The following NT5DC3 variants were observed in gnomAD, a reference collection of about 807,000 sequenced individuals.
NT5DC3 encodes the protein 5'-nucleotidase domain-containing protein 3.
A neutral mutation model predicts 67.8 loss-of-function variants in NT5DC3; 42 were observed. The ratio of observed to expected loss-of-function variants is 0.62; its 90% CI spans 0.48 to 0.80. NT5DC3 has a LOEUF of 0.80. NT5DC3 is among the 30% of genes least tolerant of loss of function. NT5DC3 has a pLI of 0.00. For missense variants in NT5DC3, 570 were observed against 696.4 expected, an observed-to-expected ratio of 0.82 and a Z score of 2.04; for synonymous variants, 237 against 255.6, an observed-to-expected ratio of 0.93 and a Z score of 0.69.
chr12:103,788,725 G>C, intron 10 of NT5DC3, 113 bp downstream of exon 10: 1 of 738,308 alleles, frequency 1.4e-6, no homozygotes, highest in African/African-American at 1.7e-5. Context: ...CAGTTCATGG[G>C]AATCACTCAG....
At chr12:103,782,922 G>C (rs1332297837) in intron 12 of NT5DC3, among the ~76,000 whole-genome samples, 2 of 151,970 alleles carry the variant, frequency 1.3e-5, no homozygotes, top group Admixed American at 6.6e-5. Flanking sequence ...GGAGGTGAAG[G>C]CTGCAGTGAG....
At chr12:103,806,222 C>A in intron 4 of NT5DC3, 100 bp downstream of exon 4, 1 of 754,760 alleles carries the variant, frequency 1.3e-6, no homozygotes, top group South Asian at 1.5e-5. Flanking sequence ...GAATCATATT[C>A]ACACTGCAGC....
intron 2 of NT5DC3, among the ~76,000 whole-genome samples, chr12:103,809,500 G>A (rs1352953368): frequency 6.6e-6 from 1 of 152,112 alleles, no homozygotes; most frequent in Non-Finnish European, 1.5e-5. Context: ...CCTGAAACTG[G>A]GTAATTTATA....
chr12:103,792,004 A>G (rs1332728982), intron 9 of NT5DC3, among the ~76,000 whole-genome samples: 1 of 152,070 alleles, frequency 6.6e-6, no homozygotes, highest in Non-Finnish European at 1.5e-5. Context: ...ACAGCAGCCC[A>G]CTCTGTAAGT....
In NT5DC3 at chr12:103,777,139, TCTC is replaced by T. The variant is rs1885368135; in HGVS notation, c.*687_*689del. On this transcript the variant is annotated 3_prime_UTR_variant, in exon 14 of 14. Transcript: ENST00000392876. ...TGGCAGGTTTTGACCAGAGCTCTCA[TCTC>T]CTCTCTCCTGCCCTCCTCCATGCTG... 1 of 139,850 alleles carries T rather than the reference TCTC, an allele frequency of 7.2e-6. No homozygotes were observed. The highest frequency in any genetic ancestry group is 7.3e-5 in the Admixed American group (1 of 13,766). The allele number at this position is 139,850 out of a possible 1,614,324, so 8.7% of individuals were successfully genotyped here.
the NT5DC3 span, chr12:103,746,617 C>T: frequency 1.9e-6 from 3 of 1,613,992 alleles, no homozygotes; most frequent in Non-Finnish European, 1.7e-6. Flanking sequence ...AGTGTGTACG[C>T]CTCCTTGTTC....
At chr12:103,823,782 G>A (rs960497728) in intron 1 of NT5DC3, among the ~76,000 whole-genome samples, 7 of 152,168 alleles carry the variant, frequency 4.6e-5, no homozygotes, top group Non-Finnish European at 5.9e-5. Context: ...TCTACACTGA[G>A]GCAGTATTTA....
intron 2 of NT5DC3, among the ~76,000 whole-genome samples, chr12:103,811,957 G>C (rs1167924110): frequency 6.6e-6 from 1 of 152,032 alleles, no homozygotes; most frequent in Non-Finnish European, 1.5e-5. Flanking sequence ...ACAATCAGGT[G>C]ATCAATGGTG....
the NT5DC3 span, among the ~76,000 whole-genome samples, chr12:103,765,432 T>C: frequency 6.6e-6 from 1 of 152,216 alleles, no homozygotes; most frequent in East Asian, 1.9e-4. Flanking sequence ...ACACTATTTT[T>C]AGTGACTCCA....
downstream of NT5DC3, chr12:103,771,020 G>A (rs1161040267): frequency 6.6e-6 from 1 of 152,392 alleles, no homozygotes; most frequent in Non-Finnish European, 1.5e-5. Flanking sequence ...CCTTGATCTT[G>A]GACTTGCCAG....
intron 1 of NT5DC3, among the ~76,000 whole-genome samples, chr12:103,828,206 G>C (rs1887775228): frequency 6.6e-6 from 1 of 152,192 alleles, no homozygotes; most frequent in East Asian, 1.9e-4. Context: ...AGTACTCTCT[G>C]TGACTCAGCC....
intron 6 of NT5DC3, 151 bp from the exon 7 acceptor site, chr12:103,794,148 C>CTT (rs766607290): frequency 0.097 from 46,328 of 476,328 alleles, 1,868 homozygotes; most frequent in East Asian, 0.28. Flanking sequence ...CCATTTTCTT[C>CTT]TTCTTTTTTT....
At chr12:103,767,901 T>G (rs1415588688), downstream of NT5DC3, among the ~76,000 whole-genome samples, 1 of 150,820 alleles carries the variant, frequency 6.6e-6, no homozygotes, top group East Asian at 1.9e-4. Flanking sequence ...ACTAACATGG[T>G]GAAACCCCGT....
intron 3 of NT5DC3, among the ~76,000 whole-genome samples, chr12:103,806,644 T>C (rs997763995): frequency 1.4e-4 from 22 of 152,194 alleles, no homozygotes; most frequent in Non-Finnish European, 2.6e-4. Context: ...AAATAAACAG[T>C]ACCTCCTAAA....
At chr12:103,786,700 T>TTTTTTTTTTTTGG (rs1885794547) in intron 11 of NT5DC3, among the ~76,000 whole-genome samples, 1 of 150,840 alleles carries the variant, frequency 6.6e-6, no homozygotes, top group African/African-American at 2.4e-5. Context: ...TTTTTTTTTT[T>TTTTTTTTTTTTGG]GAGGCAGGGT....
intron 1 of NT5DC3, among the ~76,000 whole-genome samples, chr12:103,816,212 T>G (rs1033404103): frequency 6.6e-6 from 1 of 152,236 alleles, no homozygotes; most frequent in Non-Finnish European, 1.5e-5. Flanking sequence ...TATAGGATTT[T>G]TTCATATTTT....
the NT5DC3 span, among the ~76,000 whole-genome samples, chr12:103,747,503 C>A: frequency 3.3e-5 from 5 of 152,182 alleles, no homozygotes; most frequent in African/African-American, 1.2e-4. Context: ...CCAGCCTGGA[C>A]AGCAAGATGG....
At chr12:103,750,538 G>C in the NT5DC3 span, 9 of 1,608,588 alleles carry the variant, frequency 5.6e-6, no homozygotes, top group African/African-American at 1.1e-4. Flanking sequence ...TGGGGTCCTA[G>C]AGAAGGAACT....
intron 1 of NT5DC3, among the ~76,000 whole-genome samples, chr12:103,840,682 G>A (rs117202806): frequency 1.3e-5 from 2 of 152,064 alleles, no homozygotes; most frequent in African/African-American, 2.4e-5. Flanking sequence ...CAGATTTCGG[G>A]CTAAAAATCC....
Sources: allele counts gnomAD v4.1 joint callset (sites outside exome capture counted in the v4.1 genomes callset), GRCh38; gene constraint gnomAD v4.1.1; transcripts MANE v1.5; gene names NCBI Gene and HGNC (gene_info 2026-07-23, HGNC 2026-07-21).